The following RERE variants were observed in gnomAD, a reference collection of about 807,000 sequenced individuals.
The protein encoded by RERE is arginine-glutamic acid dipeptide repeats protein.
In RERE, 40 loss-of-function variants were observed where a neutral mutation model predicts 146.1. The observed-to-expected ratio is 0.27, with a 90% confidence interval of 0.21 to 0.36. The LOEUF is 0.36. Ranked by LOEUF, RERE falls within the 10% of genes least tolerant of loss-of-function variation. The probability of loss-of-function intolerance (pLI) is 1.00; values close to 1 mark genes in which losing one functional copy is unlikely to be tolerated. For missense variants in RERE, 1,933 were observed against 2,138.7 expected (o/e 0.90, Z 1.90); for synonymous variants, 1,003 against 866.0 (o/e 1.16, Z -2.78).
chr1:8,355,075 C>T lies in RERE; in HGVS notation c.*12G>A. On this transcript the variant is annotated 3_prime_UTR_variant, in exon 23 of 23. Transcript: ENST00000400908. Reference sequence around the variant, plus strand: ...CTGGGGTTTCCACAGCCAGCGTTAACAAATAAATAACTTATAACTGCTTGT... The same window carrying T: ...CTGGGGTTTCCACAGCCAGCGTTAATAAATAAATAACTTATAACTGCTTGT... 1.2e-6 allele frequency: 2 copies of T among 1,612,900 alleles called. No homozygotes were observed. The highest frequency in any genetic ancestry group is 1.7e-6 in the Non-Finnish European group (2 of 1,179,150).
At chr1:8,668,963 T>TGTGTGTG (rs1553130735) in intron 1 of RERE, among the ~76,000 whole-genome samples, 151 of 42,268 alleles carry the variant, frequency 3.6e-3, no homozygotes, top group Non-Finnish European at 4.6e-3. Context: ...TGTGTGTGTG[T>TGTGTGTG]TGTGTTTTTA....
At chr1:8,754,342 G>A (rs1190463656) in intron 1 of RERE, among the ~76,000 whole-genome samples, 1 of 152,032 alleles carries the variant, frequency 6.6e-6, no homozygotes, top group Non-Finnish European at 1.5e-5. Flanking sequence ...ACATTAGAAA[G>A]TCAAATCAGG....
intron 11 of RERE, among the ~76,000 whole-genome samples, chr1:8,435,308 T>G (rs1320026760): frequency 6.6e-6 from 1 of 152,190 alleles, no homozygotes; most frequent in Admixed American, 6.5e-5. Context: ...TGTTCACTAT[T>G]ATATCCCCAG....
chr1:8,380,936 C>T (rs975231190), intron 12 of RERE: 4 of 456,698 alleles, frequency 8.8e-6, no homozygotes, highest in Non-Finnish European at 1.3e-5. Context: ...CTACCACGTT[C>T]GGCTTCTTGA....
chr1:8,524,037 T>G (rs1645539902), intron 7 of RERE, among the ~76,000 whole-genome samples: 1 of 152,226 alleles, frequency 6.6e-6, no homozygotes, highest in Non-Finnish European at 1.5e-5. Flanking sequence ...CAGAAAGTGG[T>G]GCAGTGTCCA....
intron 4 of RERE, among the ~76,000 whole-genome samples, chr1:8,566,079 C>G (rs558224371): frequency 2.9e-4 from 44 of 152,280 alleles, no homozygotes; most frequent in Non-Finnish European, 6.3e-4. Context: ...TTCTTATTGC[C>G]ATTGATAAAG....
chr1:8,604,186 A>T (rs1646669782), intron 4 of RERE, among the ~76,000 whole-genome samples: 3 of 152,170 alleles, frequency 2.0e-5, no homozygotes, highest in Admixed American at 2.0e-4. Context: ...AAGTCACCTG[A>T]TCGTACAACT....
At chr1:8,536,652 CAG>C (rs1050884174) in intron 7 of RERE, among the ~76,000 whole-genome samples, 2 of 152,162 alleles carry the variant, frequency 1.3e-5, no homozygotes, top group Non-Finnish European at 2.9e-5. Flanking sequence ...TTCAAACAAA[CAG>C]AGAACACAAT....
At chr1:8,419,390 T>A (rs1209178613) in intron 12 of RERE, among the ~76,000 whole-genome samples, 1 of 152,178 alleles carries the variant, frequency 6.6e-6, no homozygotes, top group African/African-American at 2.4e-5. Context: ...GGAAAGCTGT[T>A]TACGTCTATG....
chr1:8,792,724 T>C (rs1641384808), intron 1 of RERE: 1 of 152,204 alleles, frequency 6.6e-6, no homozygotes, highest in African/African-American at 2.4e-5. Context: ...AACTCCTCTC[T>C]CTTTGGTGCT....
intron 3 of RERE, among the ~76,000 whole-genome samples, chr1:8,615,801 C>CACAAA (rs1426171810): frequency 5.3e-5 from 8 of 152,140 alleles, no homozygotes; most frequent in Non-Finnish European, 1.2e-4. Context: ...CACACACACA[C>CACAAA]ACAAAACAAA....
At chr1:8,582,181 A>C (rs1358126667) in intron 4 of RERE, among the ~76,000 whole-genome samples, 2 of 152,100 alleles carry the variant, frequency 1.3e-5, no homozygotes, top group Admixed American at 6.5e-5. Context: ...AATTTTCCTC[A>C]AAAGTTAATA....
At chr1:8,585,641 T>C (rs1327529273) in intron 4 of RERE, among the ~76,000 whole-genome samples, 2 of 152,178 alleles carry the variant, frequency 1.3e-5, no homozygotes, top group Non-Finnish European at 2.9e-5. Context: ...AGGTTCCTAC[T>C]AACCAAAAAT....
intron 2 of RERE, among the ~76,000 whole-genome samples, chr1:8,635,855 C>T (rs999646689): frequency 6.6e-6 from 1 of 151,914 alleles, no homozygotes; most frequent in African/African-American, 2.4e-5. Flanking sequence ...GATGCTAAGG[C>T]GAAAAAAACA....
chr1:8,653,989 T>C (rs1483979321), intron 2 of RERE, among the ~76,000 whole-genome samples: 1 of 151,966 alleles, frequency 6.6e-6, no homozygotes, highest in East Asian at 1.9e-4. Context: ...AAATTGTAGC[T>C]GTGAATGCAA....
intron 4 of RERE, chr1:8,590,747 G>A (rs1454930532): frequency 1.3e-5 from 2 of 152,200 alleles, no homozygotes; most frequent in African/African-American, 4.8e-5. Context: ...TTGCTGTTCT[G>A]GAAAATCTAG....
At chr1:8,554,180 C>T (rs973262411) in intron 6 of RERE, among the ~76,000 whole-genome samples, 7 of 151,942 alleles carry the variant, frequency 4.6e-5, no homozygotes, top group African/African-American at 1.7e-4. Context: ...AGCAACACCC[C>T]GTCTCAGAAA....
chr1:8,367,235 T>G (rs985387541), intron 12 of RERE, among the ~76,000 whole-genome samples: 3 of 152,164 alleles, frequency 2.0e-5, no homozygotes, highest in Non-Finnish European at 4.4e-5. Context: ...CAGACCAGAT[T>G]TCATCCAAAA....
intron 11 of RERE, among the ~76,000 whole-genome samples, chr1:8,430,321 G>A (rs1330179315): frequency 2.6e-5 from 4 of 152,144 alleles, no homozygotes; most frequent in African/African-American, 9.7e-5. Context: ...GCCATGAGGG[G>A]CATTTCCAAA....
Sources: allele counts gnomAD v4.1 joint callset (sites outside exome capture counted in the v4.1 genomes callset), GRCh38; gene constraint gnomAD v4.1.1; transcripts MANE v1.5; gene names NCBI Gene and HGNC (gene_info 2026-07-23, HGNC 2026-07-21).